AMACR: variants seen among roughly 807,000 people sequenced by gnomAD.
AMACR encodes the protein alpha-methylacyl-CoA racemase.
In AMACR, 18 loss-of-function variants were observed where a neutral mutation model predicts 22.2. The ratio of observed to expected loss-of-function variants is 0.81; its 90% CI spans 0.56 to 1.20. AMACR has a LOEUF of 1.20. Ranked by LOEUF, AMACR falls within the 50% of genes most tolerant of loss-of-function variation. The pLI is 0.00. For missense variants in AMACR, 499 were observed against 490.6 expected, an observed-to-expected ratio of 1.02 and a Z score of -0.16; for synonymous variants, 213 against 191.3, an observed-to-expected ratio of 1.11 and a Z score of -0.94.
chr5:34,006,326 G>T (rs1753976838), intron 1 of AMACR, among the ~76,000 whole-genome samples: 1 of 152,136 alleles, frequency 6.6e-6, no homozygotes, highest in Admixed American at 6.5e-5. Flanking sequence ...TGTTTCCACA[G>T]GCGCTAAAGT....
chr5:33,998,670 T>C lies in AMACR; in HGVS notation c.710A>G (p.Glu237Gly), dbSNP rs553965377. The change falls in exon 4 of 5, where the codon GAA becomes GGA. Residue 237 changes from glutamate to glycine, a missense_variant. Coordinates refer to ENST00000335606, the MANE Select transcript of AMACR (RefSeq NM_014324.6). ...DGEFMAVGAI[E>G]PQFYELLIKG... ...GATCAGCAGCTCGTAGAACTGGGGT[T>C]CTATTGCTCCAACAGCCATGAATTC... is the stretch of plus-strand genomic sequence containing the variant. 3.7e-6 allele frequency: 6 copies of C among 1,612,340 alleles called. No homozygotes were observed. The East Asian group carries it at 8.9e-5, about 24-fold the overall frequency.
intron 3 of AMACR, among the ~76,000 whole-genome samples, chr5:34,000,344 T>A (rs187005426): frequency 2.7e-4 from 41 of 152,212 alleles, no homozygotes; most frequent in African/African-American, 9.9e-4. Flanking sequence ...TAGCAGAGAG[T>A]TCTGAATACT....
At chr5:33,990,828 G>A (rs1271146730) in intron 4 of AMACR, among the ~76,000 whole-genome samples, 3 of 152,172 alleles carry the variant, frequency 2.0e-5, no homozygotes, top group African/African-American at 7.2e-5. Context: ...GAGGAAATAG[G>A]AAGAACTAAC....
rs1561042222 is a variant in AMACR, at chr5:33,998,737, CA to C, written c.642del (p.Asp214GlufsTer23). On this transcript the variant is annotated frameshift_variant, in exon 4 of 5. Coordinates refer to ENST00000335606, the MANE Select transcript of AMACR (RefSeq NM_014324.6). LOFTEE classifies it high-confidence loss of function. ...WEAPRGQNML[D>X]GGAPFYTTYR... ...TAAGTCGTATAGAAAGGTGCTCCAC[CA>C]TCCAACATGTTCTGTCCTCGAGGTG... The C allele has an allele frequency of 6.2e-7, 1 of 1,614,088 alleles. No homozygotes were observed. The highest frequency in any genetic ancestry group is 8.5e-7 in the Non-Finnish European group (1 of 1,180,010).
chr5:33,997,510 C>A lies in AMACR; in HGVS notation c.739+1131G>T, dbSNP rs3756461. ...TGTTGTATTTTCAGCAAGATCAGTT[C>A]TCCCAGACCTGGCCAAGGACCAGAA... On this transcript the variant is annotated intron_variant, in intron 4 of 4. Coordinates refer to ENST00000335606, the MANE Select transcript of AMACR (RefSeq NM_014324.6). 26 of 780,332 alleles carry A rather than the reference C, an allele frequency of 3.3e-5. No individual in the cohort carries two copies. The East Asian group carries it at 6.1e-4, about 18-fold the overall frequency. The allele number at this position is 780,332 out of a possible 1,614,324, so 48.3% of individuals were successfully genotyped here. A position where few individuals can be genotyped will look rare whatever the true frequency, so the allele number is the denominator to read the frequency against.
intron 3 of AMACR, among the ~76,000 whole-genome samples, chr5:34,000,375 C>T (rs1753781007): frequency 6.6e-6 from 1 of 152,210 alleles, no homozygotes; most frequent in Non-Finnish European, 1.5e-5. Context: ...CTTTCATGTT[C>T]AGGCCAAAGA....
intron 3 of AMACR, among the ~76,000 whole-genome samples, chr5:34,002,154 G>A (rs1753838322): frequency 6.6e-6 from 1 of 152,104 alleles, no homozygotes; most frequent in African/African-American, 2.4e-5. Context: ...GTACCACCAA[G>A]CCCAGCTACT....
intron 4 of AMACR, among the ~76,000 whole-genome samples, chr5:33,995,687 A>C (rs755073934): frequency 6.6e-6 from 1 of 152,214 alleles, no homozygotes; most frequent in African/African-American, 2.4e-5. Flanking sequence ...GGACTACTGT[A>C]TATGTTTTAA....
chr5:33,998,823 T>C lies in AMACR; in HGVS notation c.557A>G (p.Glu186Gly). ...AAAAGAACTTAAATATGCTGTTCCT[T>C]CCACCTTTGAGAAAACAGAATACAA... is the stretch of plus-strand genomic sequence containing the variant. ...KGQVIDANMV[E>G]GTAYLSSFLW... Residue 186 changes from glutamate (E) to glycine (G), a missense_variant, in exon 4 of 5, where the codon GAA becomes GGA. By Grantham distance (98) the Glu-to-Gly change is moderately conservative (BLOSUM62 -2). Transcript: ENST00000335606. The C allele has an allele frequency of 1.2e-6, 2 of 1,613,960 alleles. No individual in the cohort carries two copies. Among genetic ancestry groups the C allele is most frequent in the Non-Finnish European group, 1.7e-6 (2 of 1,179,876 alleles).
intron 3 of AMACR, among the ~76,000 whole-genome samples, chr5:34,002,665 C>G (rs781507132): frequency 6.6e-6 from 1 of 152,194 alleles, no homozygotes; most frequent in African/African-American, 2.4e-5. Context: ...GATAGTAGCA[C>G]GTCTCCCTCA....
rs766290270 is a variant in AMACR, at chr5:34,007,939, G to T, written c.81C>A (p.Phe27Leu). The change falls in exon 1 of 5, where the codon TTC becomes TTA. Residue 27 changes from phenylalanine (F) to leucine (L), a missense_variant. Phe to Leu is a conservative substitution (Grantham distance 22). Transcript: ENST00000335606. ...GPFCAMVLAD[F>L]GARVVRVDRP... ...GGTCCACGCGTACCACACGCGCCCCGAAGTCAGCCAGGACCATAGCACAGA... is the reference window on the plus strand; with the variant it reads ...GGTCCACGCGTACCACACGCGCCCCTAAGTCAGCCAGGACCATAGCACAGA... 1.9e-6 allele frequency: 3 copies of T among 1,610,886 alleles called. No individual in the cohort carries two copies. The highest frequency in any genetic ancestry group is 1.7e-5 in the Admixed American group (1 of 59,958).
intron 4 of AMACR, among the ~76,000 whole-genome samples, chr5:33,998,099 C>T (rs533988931): frequency 6.6e-6 from 1 of 152,250 alleles, no homozygotes; most frequent in Admixed American, 6.5e-5. Flanking sequence ...AGAAGAGATC[C>T]CAAATTTTCT....
rs566330632 is a variant in AMACR, at chr5:33,993,479, T to C, written c.740-3977A>G. ...CTAGATCATACAATTCTATGTCTAA[T>C]TTTCTGAGGAAATGCACGCTGTTTT... On this transcript the variant is annotated intron_variant, in intron 4 of 4. Transcript: ENST00000335606. Among the ~76,000 whole-genome samples the C allele has an allele frequency of 1.1e-4, 17 of 152,366 alleles. No individual in the cohort carries two copies. The South Asian group carries it at 3.3e-3, about 30-fold the overall frequency.
intron 4 of AMACR, among the ~76,000 whole-genome samples, chr5:33,992,797 G>C (rs529829279): frequency 6.6e-6 from 1 of 151,664 alleles, no homozygotes; most frequent in South Asian, 2.1e-4. Flanking sequence ...TTCCCAAACC[G>C]TAAGAACAAA....
intron 3 of AMACR, among the ~76,000 whole-genome samples, chr5:34,001,188 C>T (rs1288588732): frequency 6.6e-6 from 1 of 152,164 alleles, no homozygotes; most frequent in Non-Finnish European, 1.5e-5. Context: ...TTGCCACCAA[C>T]CTTTGATACT....
In AMACR at chr5:34,005,882, G is replaced by A. The variant is rs149566702; in HGVS notation, c.265C>T (p.Gln89Ter). The A allele has an allele frequency of 2.9e-5, 46 of 1,614,028 alleles. No individual in the cohort carries two copies. The highest frequency in any genetic ancestry group is 3.8e-5 in the Non-Finnish European group (45 of 1,180,042). The change falls in exon 2 of 5, where the codon CAG (glutamine) becomes TAG (stop). Residue 89 changes from glutamine (Q) to a stop codon, truncating the protein, a stop_gained. Coordinates refer to ENST00000335606, the MANE Select transcript of AMACR (RefSeq NM_014324.6). LOFTEE classifies it high-confidence loss of function. Reference protein sequence around the residue: ...PFRRGVMEKLQLGPEILQREN... With the variant: ...PFRRGVMEKL ...CGCTGCAGAATCTCTGGGCCCAGCT[G>A]GAGTTTCTCCATGACACCTTAAGAG...
At position 34,007,884 on chromosome 5, in the gene AMACR, A is replaced by G. The variant is rs1374240770; in HGVS notation, c.136T>C (p.Leu46=). 2 of 1,598,648 alleles carry G rather than the reference A, an allele frequency of 1.3e-6. No individual in the cohort carries two copies. Among genetic ancestry groups the G allele is most frequent in the Non-Finnish European group, 1.7e-6 (2 of 1,174,802 alleles). ...RPGSRYDVSR[L]GRGKRSLVLD... ...ACTAGCGAGCGCTTGCCCCGGCCCAAGCGGCTCACGTCGTAGCGGGAGCCG... is the reference window on the plus strand; with the variant it reads ...ACTAGCGAGCGCTTGCCCCGGCCCAGGCGGCTCACGTCGTAGCGGGAGCCG... The change falls in exon 1 of 5, where the codon TTG becomes CTG. Residue 46 remains leucine (L), a synonymous_variant. Coordinates refer to ENST00000335606, the MANE Select transcript of AMACR (RefSeq NM_014324.6).
intron 3 of AMACR, 30 bp downstream of exon 3, chr5:34,004,544 T>C (rs373915688): frequency 2.3e-5 from 37 of 1,613,730 alleles, no homozygotes; most frequent in Middle Eastern, 1.6e-4. Context: ...TAGGGACAAG[T>C]GGCAGGCATC....
Position 34,004,655 on chromosome 5 carries a change from G to A in AMACR, c.471C>T (p.Gly157=). Residue 157 remains glycine, a synonymous_variant, in exon 3 of 5, where the codon GGC becomes GGT. Coordinates refer to ENST00000335606, the MANE Select transcript of AMACR (RefSeq NM_014324.6). ...LNLLADFAGG[G]LMCALGIIMA... ...TTATAATGCCCAGTGCACACATAAGGCCACCACCAGCAAAGTCAGCCAGGA... is the reference window on the plus strand; with the variant it reads ...TTATAATGCCCAGTGCACACATAAGACCACCACCAGCAAAGTCAGCCAGGA... 1 of 1,614,148 alleles carries A rather than the reference G, an allele frequency of 6.2e-7. No homozygotes were observed. The highest frequency in any genetic ancestry group is 8.5e-7 in the Non-Finnish European group (1 of 1,180,030).
Sources: gnomAD v4.1 joint callset for allele counts (sites outside exome capture counted in the v4.1 genomes callset) on GRCh38, gnomAD v4.1.1 for gene constraint, MANE v1.5 for transcripts, NCBI Gene and HGNC (gene_info 2026-07-23, HGNC 2026-07-21) for gene names.